CUX1: variants seen among roughly 807,000 people sequenced by gnomAD.
The protein encoded by CUX1 is protein CASP.
Under a neutral mutation model 158.8 loss-of-function variants are expected in CUX1, and 31 were observed. The ratio of observed to expected loss-of-function variants is 0.20; its 90% CI spans 0.15 to 0.26. The LOEUF is 0.26. Ranked by LOEUF, CUX1 falls within the 10% of genes least tolerant of loss-of-function variation. The pLI, the probability that CUX1 is intolerant of heterozygous loss-of-function variation, is 1.00. For synonymous variants in CUX1, 879 were observed against 862.1 expected, an observed-to-expected ratio of 1.02 and a Z score of -0.34; for missense variants, 1,589 against 2,014.6, an observed-to-expected ratio of 0.79 and a Z score of 4.04.
chr7:101,947,085 T>A (rs545133996), intron 2 of CUX1, among the ~76,000 whole-genome samples: 1 of 152,282 alleles, frequency 6.6e-6, no homozygotes, highest in African/African-American at 2.4e-5. Flanking sequence ...GATTTAAAAC[T>A]TGAGTAACTT....
chr7:102,141,137 G>A (rs1239872367), intron 8 of CUX1, among the ~76,000 whole-genome samples: 1 of 152,016 alleles, frequency 6.6e-6, no homozygotes, highest in Non-Finnish European at 1.5e-5. Context: ...TTCACAAGCA[G>A]AATAGGAACC....
chr7:101,952,157 G>T (rs951747968), intron 2 of CUX1, among the ~76,000 whole-genome samples: 1 of 152,120 alleles, frequency 6.6e-6, no homozygotes, highest in African/African-American at 2.4e-5. Context: ...AGAGGCCAAG[G>T]TGGAAGGATT....
At chr7:102,154,645 A>T (rs1156372027) in intron 8 of CUX1, among the ~76,000 whole-genome samples, 1 of 148,572 alleles carries the variant, frequency 6.7e-6, no homozygotes, top group African/African-American at 2.6e-5. Context: ...GCTAAAGACC[A>T]GTTAGATCAA....
At chr7:102,084,596 T>C (rs1290930570) in intron 4 of CUX1, among the ~76,000 whole-genome samples, 1 of 144,612 alleles carries the variant, frequency 6.9e-6, no homozygotes, top group African/African-American at 2.5e-5. Flanking sequence ...CTAATTTTTT[T>C]GGATTTTTAG....
At chr7:102,036,561 G>T (rs533822714) in intron 3 of CUX1, among the ~76,000 whole-genome samples, 4 of 151,922 alleles carry the variant, frequency 2.6e-5, no homozygotes, top group African/African-American at 7.3e-5. Context: ...GACCAATATG[G>T]TGAAACTTCG....
At chr7:102,193,705 T>C in intron 12 of CUX1, 137 bp from the exon 13 acceptor site, 1 of 784,844 alleles carries the variant, frequency 1.3e-6, no homozygotes, top group Non-Finnish European at 2.0e-6. Flanking sequence ...CTCGGGAGGC[T>C]GAGGTAGGAG....
rs1791582797 is a variant in CUX1, at chr7:102,170,462, A to C, written c.740A>C (p.Gln247Pro). 1 of 1,588,172 alleles carries C rather than the reference A, an allele frequency of 6.3e-7. No individual in the cohort carries two copies. Among genetic ancestry groups the C allele is most frequent in the Admixed American group, 1.7e-5 (1 of 57,146 alleles). Reference sequence around the variant, plus strand: ...TTCCTTCAGAGGGCAGAGGTGGCTCAGAGAGAGGCGGAGACCTTAAGGGAA... The same window carrying C: ...TTCCTTCAGAGGGCAGAGGTGGCTCCGAGAGAGGCGGAGACCTTAAGGGAA... ...ERANQRAEVA[Q>P]REAETLREQL... Residue 247 changes from glutamine to proline, a missense_variant, in exon 10 of 24, where the codon CAG becomes CCG. Transcript: ENST00000292535.
At chr7:102,246,937 C>A (rs1398695354) in intron 23 of CUX1, among the ~76,000 whole-genome samples, 2 of 152,202 alleles carry the variant, frequency 1.3e-5, no homozygotes, top group African/African-American at 2.4e-5. Context: ...GAGGCCAAGG[C>A]AGCAGAATCA....
intron 17 of CUX1, chr7:102,277,834 C>T (rs1286211517): frequency 1.6e-5 from 9 of 555,512 alleles, no homozygotes; most frequent in Admixed American, 3.7e-5. Flanking sequence ...TTTACAGAGT[C>T]AGGCAGGTCA....
intron 1 of CUX1, among the ~76,000 whole-genome samples, chr7:101,849,799 C>T (rs943672077): frequency 6.6e-6 from 1 of 152,052 alleles, no homozygotes; most frequent in Non-Finnish European, 1.5e-5. Context: ...TCCCACCAAC[C>T]GTGTATATAA....
intron 1 of CUX1, among the ~76,000 whole-genome samples, chr7:101,847,021 T>G (rs926390388): frequency 1.3e-5 from 2 of 152,046 alleles, no homozygotes; most frequent in Admixed American, 1.3e-4. Context: ...CACGCACCTG[T>G]AAGTCTCAGC....
At chr7:102,036,251 C>T (rs529766236) in intron 3 of CUX1, among the ~76,000 whole-genome samples, 3 of 152,056 alleles carry the variant, frequency 2.0e-5, no homozygotes, top group Non-Finnish European at 2.9e-5. Flanking sequence ...CCACCGAGCC[C>T]GGCCCCAGCA....
At chr7:102,191,769 C>T (rs1794304736) in intron 12 of CUX1, among the ~76,000 whole-genome samples, 2 of 150,994 alleles carry the variant, frequency 1.3e-5, no homozygotes, top group South Asian at 2.1e-4. Flanking sequence ...TTCTTTCTTC[C>T]TCTTCCTCTT....
intron 14 of CUX1, among the ~76,000 whole-genome samples, chr7:102,268,206 C>G (rs1790948178): frequency 6.6e-6 from 1 of 152,204 alleles, no homozygotes. Flanking sequence ...ATCTGTCCCT[C>G]TCTCCTGGGT....
At chr7:101,945,887 C>A (rs182880460) in intron 2 of CUX1, among the ~76,000 whole-genome samples, 6 of 152,298 alleles carry the variant, frequency 3.9e-5, no homozygotes, top group Non-Finnish European at 8.8e-5. Flanking sequence ...GCTGTGTCAG[C>A]CAAGGCCGGG....
chr7:102,040,027 T>G (rs1294485123), intron 3 of CUX1, among the ~76,000 whole-genome samples: 1 of 152,212 alleles, frequency 6.6e-6, no homozygotes, highest in Non-Finnish European at 1.5e-5. Flanking sequence ...TTTTACTCTC[T>G]GGTCTTCATT....
chr7:102,281,523 C>T (rs1421289716), intron 20 of CUX1, among the ~76,000 whole-genome samples: 4 of 151,934 alleles, frequency 2.6e-5, no homozygotes, highest in African/African-American at 4.8e-5. Context: ...ATTAGCTGGG[C>T]GTGGTGACGC....
chr7:101,821,671 C>CTT (rs58793343), intron 1 of CUX1, among the ~76,000 whole-genome samples: 1,896 of 51,236 alleles, frequency 0.037, 331 homozygotes, highest in Non-Finnish European at 0.044. Context: ...TTTCTTTTTT[C>CTT]TTTTTTTTTT....
At chr7:101,952,403 C>T (rs1203228614) in intron 2 of CUX1, among the ~76,000 whole-genome samples, 2 of 152,142 alleles carry the variant, frequency 1.3e-5, no homozygotes, top group African/African-American at 2.4e-5. Context: ...ATTAAAAGTA[C>T]AGATTCTCGG....
Sources: allele counts gnomAD v4.1 joint callset (sites outside exome capture counted in the v4.1 genomes callset), GRCh38; gene constraint gnomAD v4.1.1; transcripts MANE v1.5; gene names NCBI Gene and HGNC (gene_info 2026-07-23, HGNC 2026-07-21).